SNX29: variants seen among roughly 807,000 people sequenced by gnomAD.
The protein encoded by SNX29 is sorting nexin-29.
Under a neutral mutation model 102.1 loss-of-function variants are expected in SNX29, and 78 were observed. That is an observed-to-expected ratio of 0.76 (90% CI 0.64 to 0.92). The LOEUF (loss-of-function observed/expected upper bound fraction) is 0.92. SNX29 is among the 40% of genes least tolerant of loss of function. The probability of loss-of-function intolerance (pLI) is 0.00; values close to 1 mark genes in which losing one functional copy is unlikely to be tolerated. For missense variants in SNX29, 1,280 were observed against 1,061.7 expected (o/e 1.21, Z -2.86); for synonymous variants, 580 against 414.5 (o/e 1.40, Z -4.85).
rs117003666 is a variant in SNX29 at position 12,427,936 on chromosome 16, C to T, written c.2037+24407C>T. ...CTTAAACTCCAATTTAGCAGTTACC[C>T]GAAGCACAGCTCCCTGCAGCAGCTT... On this transcript the variant is annotated intron_variant, in intron 18 of 20. Coordinates refer to ENST00000566228, the MANE Select transcript of SNX29 (RefSeq NM_032167.5). Among the ~76,000 whole-genome samples the T allele has an allele frequency of 9.5e-3, 1,454 of 152,296 alleles. 9 individuals are homozygous for T. Among genetic ancestry groups the T allele is most frequent in the Non-Finnish European group, 0.015 (1,007 of 68,022 alleles).
chr16:12,418,921 G>A (rs971465661), intron 18 of SNX29, among the ~76,000 whole-genome samples: 1 of 152,160 alleles, frequency 6.6e-6, no homozygotes, highest in African/African-American at 2.4e-5. Context: ...CTCCTTGCCA[G>A]GAGCGGCAGT....
At chr16:12,554,847 C>T (rs900055250) in intron 20 of SNX29, among the ~76,000 whole-genome samples, 2 of 152,126 alleles carry the variant, frequency 1.3e-5, no homozygotes, top group African/African-American at 4.8e-5. Flanking sequence ...CCGTAGGTGC[C>T]AGGGTGCTCA....
chr16:12,279,964 G>A (rs2079380162), intron 15 of SNX29, among the ~76,000 whole-genome samples: 1 of 152,174 alleles, frequency 6.6e-6, no homozygotes, highest in Non-Finnish European at 1.5e-5. Flanking sequence ...GGTCCACAAA[G>A]GCATTGAGTG....
chr16:12,539,939 G>T (rs978375562), intron 20 of SNX29, among the ~76,000 whole-genome samples: 1 of 152,322 alleles, frequency 6.6e-6, no homozygotes, highest in African/African-American at 2.4e-5. Context: ...TATGTTAGAT[G>T]CAAGACCTTT....
chr16:12,246,556 G>A (rs997343649), intron 14 of SNX29, among the ~76,000 whole-genome samples: 6 of 152,146 alleles, frequency 3.9e-5, no homozygotes, highest in Non-Finnish European at 8.8e-5. Context: ...CAGGAGAATT[G>A]CTTGGACCTG....
intron 15 of SNX29, among the ~76,000 whole-genome samples, chr16:12,305,516 A>G (rs1038100856): frequency 1.3e-5 from 2 of 152,162 alleles, no homozygotes; most frequent in African/African-American, 4.8e-5. Flanking sequence ...GTGGAGCCAT[A>G]GGCCAGAGGA....
intron 19 of SNX29, among the ~76,000 whole-genome samples, chr16:12,522,046 T>C (rs528460364): frequency 2.6e-5 from 4 of 152,086 alleles, no homozygotes; most frequent in Admixed American, 2.6e-4. Context: ...GTTGTGACTT[T>C]GGAGTGGCCC....
rs563120581 is a variant in SNX29, at chr16:12,109,481, T to G, written c.1403-17152T>G. 1.3e-3 allele frequency among the ~76,000 whole-genome samples: 198 copies of G among 152,220 alleles called. 1 individual carries two copies. Among genetic ancestry groups the G allele is most frequent in the Non-Finnish European group, 1.3e-3 (88 of 68,036 alleles). On this transcript the variant is annotated intron_variant, in intron 11 of 20. Transcript: ENST00000566228. ...TCTTAAAGGCCCCACGTCTCAGTAC[T>G]GCTACTGGGGCTTAAATTTCACTGT...
At chr16:12,524,313 G>T (rs1048462194) in intron 19 of SNX29, among the ~76,000 whole-genome samples, 1 of 152,004 alleles carries the variant, frequency 6.6e-6, no homozygotes, top group African/African-American at 2.4e-5. Flanking sequence ...CCGCTGACCT[G>T]TGTGGTCACT....
chr16:12,098,095 C>T lies in SNX29; in HGVS notation c.1402+19180C>T, dbSNP rs1373261060. Among the ~76,000 whole-genome samples, 2 of 152,226 alleles carry T rather than the reference C, an allele frequency of 1.3e-5. No homozygotes were observed. The highest frequency in any genetic ancestry group is 4.8e-5 in the African/African-American group (2 of 41,456). Reference sequence around the variant, plus strand: ...TTGCCATGTGCAGTGCCCGCACACGCTGGGCCCAGAGGACGCTCAGTACGT... The same window carrying T: ...TTGCCATGTGCAGTGCCCGCACACGTTGGGCCCAGAGGACGCTCAGTACGT... On this transcript the variant is annotated intron_variant, in intron 11 of 20. Transcript: ENST00000566228. The surrounding 1 kb of genome is among the most constrained non-coding windows in gnomAD (Gnocchi z 6.0).
intron 20 of SNX29, among the ~76,000 whole-genome samples, chr16:12,554,057 C>G (rs151090456): frequency 1.3e-5 from 2 of 152,300 alleles, no homozygotes; most frequent in East Asian, 1.9e-4. Context: ...AAATCCTGAC[C>G]TCAAATGATC....
intron 15 of SNX29, among the ~76,000 whole-genome samples, chr16:12,337,467 C>T (rs1389071582): frequency 6.6e-6 from 1 of 151,924 alleles, no homozygotes; most frequent in Non-Finnish European, 1.5e-5. Flanking sequence ...TCAGCTTCCC[C>T]AGTAGCTGGG....
chr16:12,245,248 T>C (rs1359099980), intron 14 of SNX29, among the ~76,000 whole-genome samples: 3 of 152,192 alleles, frequency 2.0e-5, no homozygotes. Context: ...AGCTGAGTTA[T>C]TTAACATCCC....
intron 15 of SNX29, among the ~76,000 whole-genome samples, chr16:12,321,868 G>T (rs2080943551): frequency 6.6e-6 from 1 of 152,168 alleles, no homozygotes; most frequent in Non-Finnish European, 1.5e-5. Context: ...CAGAGAGCCG[G>T]GGATATCACA....
At chr16:12,337,746 T>C (rs1202731839) in intron 15 of SNX29, among the ~76,000 whole-genome samples, 1 of 152,108 alleles carries the variant, frequency 6.6e-6, no homozygotes, top group Non-Finnish European at 1.5e-5. Context: ...GATGGCGTGG[T>C]TTCCCTGGCC....
intron 15 of SNX29, among the ~76,000 whole-genome samples, chr16:12,315,019 C>T (rs1013297965): frequency 6.6e-6 from 1 of 152,186 alleles, no homozygotes; most frequent in African/African-American, 2.4e-5. Context: ...ATTTGACAGG[C>T]AATTCTGTTC....
intron 18 of SNX29, among the ~76,000 whole-genome samples, chr16:12,420,616 G>C (rs1022285072): frequency 1.3e-5 from 2 of 152,202 alleles, no homozygotes; most frequent in African/African-American, 4.8e-5. Context: ...CTGCATGTCA[G>C]TTTCTGTCTC....
chr16:12,562,676 C>G (rs1000819457), intron 20 of SNX29, among the ~76,000 whole-genome samples: 1 of 152,198 alleles, frequency 6.6e-6, no homozygotes, highest in Non-Finnish European at 1.5e-5. Context: ...TCTAGATTTA[C>G]AGGCACTGCC....
chr16:12,554,075 C>G (rs537111584), intron 20 of SNX29, among the ~76,000 whole-genome samples: 85 of 152,328 alleles, frequency 5.6e-4, no homozygotes, highest in African/African-American at 1.9e-3. Context: ...ATCCTCTCAC[C>G]TTGGCCTCCC....
Sources: allele counts gnomAD v4.1 joint callset (sites outside exome capture counted in the v4.1 genomes callset), GRCh38; gene constraint gnomAD v4.1.1; non-coding constraint Gnocchi (gnomAD v3.1); transcripts MANE v1.5; gene names NCBI Gene and HGNC (gene_info 2026-07-23, HGNC 2026-07-21).